Variants in HDAC4 observed in about 807,000 individuals in gnomAD.
HDAC4 encodes histone deacetylase A.
A neutral mutation model predicts 135.1 loss-of-function variants in HDAC4; 16 were observed. The observed-to-expected ratio is 0.12, with a 90% CI of 0.08 to 0.18. The LOEUF is 0.18. Among genes scored for constraint, HDAC4 ranks in the 10% least tolerant of loss-of-function variants. The pLI is 1.00. For synonymous variants in HDAC4, 685 were observed against 653.4 expected (o/e 1.05, Z -0.74); for missense variants, 1,143 against 1,511.8 (o/e 0.76, Z 4.05).
intron 1 of HDAC4, among the ~76,000 whole-genome samples, chr2:239,363,461 T>C (rs954084959): frequency 2.0e-5 from 3 of 152,242 alleles, no homozygotes; most frequent in East Asian, 1.9e-4. Flanking sequence ...CATCTGATTA[T>C]TGTGAGGATT....
chr2:239,149,314 C>T (rs1038716778), intron 7 of HDAC4, among the ~76,000 whole-genome samples: 1 of 151,522 alleles, frequency 6.6e-6, no homozygotes, highest in Non-Finnish European at 1.5e-5. Flanking sequence ...GCAGGAGAAT[C>T]CCCTGAACCC....
intron 16 of HDAC4, 154 bp downstream of exon 16, chr2:239,102,622 G>T: frequency 1.3e-6 from 1 of 799,888 alleles, no homozygotes; most frequent in Non-Finnish European, 2.0e-6. Flanking sequence ...AGTGGCTTGT[G>T]AACAGAGGGT....
At chr2:239,384,374 G>A (rs1189384555) in intron 1 of HDAC4, among the ~76,000 whole-genome samples, 5 of 151,538 alleles carry the variant, frequency 3.3e-5, no homozygotes. Context: ...AGAACTTTAG[G>A]TGGCCTAGGT....
At position 239,115,786 on chromosome 2, in the gene HDAC4, C is replaced by T. The variant is rs372661304; in HGVS notation, c.1534-476G>A. Among the ~76,000 whole-genome samples the T allele has an allele frequency of 3.5e-4, 53 of 152,272 alleles. No homozygotes were observed. The highest frequency in any genetic ancestry group is 1.1e-3 in the African/African-American group (44 of 41,564). On this transcript the variant is annotated intron_variant, in intron 12 of 26. Coordinates refer to ENST00000543185, the MANE Select transcript of HDAC4 (RefSeq NM_001378414.1). The surrounding 1 kb of genome is among the most constrained non-coding windows in gnomAD (Gnocchi z 6.3). ...ACTGCCCAATCCCACCAACACGCCA[C>T]GGCCTCCCCTCCTGCAGGATCCCAC...
At position 239,053,536 on chromosome 2, in the gene HDAC4, T is replaced by C. The variant is rs1229195020; in HGVS notation, c.3154A>G (p.Thr1052Ala). 1.2e-6 allele frequency: 2 copies of C among 1,613,920 alleles called. No individual in the cohort carries two copies. Among genetic ancestry groups the C allele is most frequent in the Admixed American group, 1.7e-5 (1 of 60,024 alleles). ...GTCTCGGCTTCTTCGTTCTCGCAAG[T>C]CTGAGCCTCGATCAGAGAACGCCCC... ...TAGRSLIEAQ[T>A]CENEEAETVT... The change falls in exon 26 of 27, where the codon ACT becomes GCT. Residue 1052 changes from threonine to alanine, a missense_variant. Coordinates refer to ENST00000543185, the MANE Select transcript of HDAC4 (RefSeq NM_001378414.1).
chr2:239,255,368 A>G (rs1405020255), intron 2 of HDAC4, among the ~76,000 whole-genome samples: 1 of 152,006 alleles, frequency 6.6e-6, no homozygotes, highest in Non-Finnish European at 1.5e-5. Flanking sequence ...TTTCCTCTTA[A>G]GAACAACATA....
rs891272679 is a variant in HDAC4, at chr2:239,050,893, G to C, written c.*2204C>G. 3 of 152,616 alleles carry C rather than the reference G, an allele frequency of 2.0e-5. No individual in the cohort carries two copies. The highest frequency in any genetic ancestry group is 2.0e-4 in the Admixed American group (3 of 15,278). The allele number at this position is 152,616 out of a possible 1,614,324, so 9.5% of individuals were successfully genotyped here. On this transcript the variant is annotated 3_prime_UTR_variant, in exon 27 of 27. Coordinates refer to ENST00000543185, the MANE Select transcript of HDAC4 (RefSeq NM_001378414.1). ...TCATACCCTCCCTGCAGGTTCACCA[G>C]GCAACAAGGGTCCCTGGGTTCCTTG...
At chr2:239,367,331 G>A (rs1694285167) in intron 1 of HDAC4, among the ~76,000 whole-genome samples, 1 of 152,022 alleles carries the variant, frequency 6.6e-6, no homozygotes, top group East Asian at 1.9e-4. Flanking sequence ...GTAAAATGAT[G>A]CCTCTCTTCT....
intron 17 of HDAC4, chr2:239,094,211 C>T: frequency 1.0e-6 from 1 of 985,460 alleles, no homozygotes; most frequent in Non-Finnish European, 1.2e-6. Context: ...GGACGCTCCG[C>T]CTCAGCTTCT....
chr2:239,315,011 A>C (rs745334753), intron 2 of HDAC4, among the ~76,000 whole-genome samples: 3 of 152,186 alleles, frequency 2.0e-5, no homozygotes, highest in Non-Finnish European at 1.5e-5. Context: ...ATTCTCTCTG[A>C]AGCCTGCTAC....
intron 7 of HDAC4, chr2:239,155,701 C>A (rs919322640): frequency 6.6e-6 from 1 of 152,268 alleles, no homozygotes; most frequent in African/African-American, 2.4e-5. Context: ...CCAGAACTGG[C>A]CAAAACCTTT....
rs773236809 is a variant in HDAC4, at chr2:239,288,258, C to T, written c.23-51594G>A. On this transcript the variant is annotated intron_variant, in intron 2 of 26. Transcript: ENST00000543185. ...AAAACTATACGATCATCACAACAGA[C>T]GGAGTAAAAGCATTTGGCTAATGGA... is the stretch of plus-strand genomic sequence containing the variant. 2.8e-4 allele frequency among the ~76,000 whole-genome samples: 42 copies of T among 152,206 alleles called. 1 individual carries two copies. The highest frequency in any genetic ancestry group is 3.4e-3 in the Middle Eastern group (1 of 294).
chr2:239,092,102 G>T (rs533025797), intron 17 of HDAC4, among the ~76,000 whole-genome samples: 360 of 152,192 alleles, frequency 2.4e-3, no homozygotes, highest in Non-Finnish European at 4.0e-3. Flanking sequence ...AGCCAGATGT[G>T]GTGGCCTGGG....
chr2:239,300,874 G>A (rs1288620085), intron 2 of HDAC4, among the ~76,000 whole-genome samples: 1 of 152,270 alleles, frequency 6.6e-6, no homozygotes, highest in Non-Finnish European at 1.5e-5. Context: ...TCCGTACATC[G>A]TGTCCACGCA....
chr2:239,189,572 A>T (rs2044771301), intron 4 of HDAC4, among the ~76,000 whole-genome samples: 1 of 152,208 alleles, frequency 6.6e-6, no homozygotes, highest in Non-Finnish European at 1.5e-5. Flanking sequence ...ATTAGGCGAT[A>T]AGCATTTTTC....
At position 239,285,967 on chromosome 2, in the gene HDAC4, C is replaced by T. The variant is rs1385112116; in HGVS notation, c.23-49303G>A. Among the ~76,000 whole-genome samples, 1 of 152,090 alleles carries T rather than the reference C, an allele frequency of 6.6e-6. No homozygotes were observed. Among genetic ancestry groups the T allele is most frequent in the African/African-American group, 2.4e-5 (1 of 41,416 alleles). ...AACAGTAAGACCAGCGAGACATACG[C>T]TCCCAAGCAAACACAAGCCAACACA... On this transcript the variant is annotated intron_variant, in intron 2 of 26. Transcript: ENST00000543185. This position sits in a 1 kb window ranked among gnomAD's most constrained non-coding sequence, Gnocchi z 4.5.
intron 17 of HDAC4, chr2:239,091,828 A>G (rs2036537222): frequency 6.6e-6 from 1 of 150,892 alleles, no homozygotes; most frequent in South Asian, 2.1e-4. Context: ...TGGGAGGCTG[A>G]GGTGGGCGGA....
Position 239,307,477 on chromosome 2 carries a change from A to G in HDAC4, c.22+45201T>C, listed in dbSNP as rs1225827165. ...TACAAAAGGGAACCCCCCTCCCACC[A>G]CTAATCAGGGACCTGCCAGAGATAC... On this transcript the variant is annotated intron_variant, in intron 2 of 26. Transcript: ENST00000543185. This position sits in a 1 kb window ranked among gnomAD's most constrained non-coding sequence, Gnocchi z 4.8. Among the ~76,000 whole-genome samples, 2 of 152,064 alleles carry G rather than the reference A, an allele frequency of 1.3e-5. No homozygotes were observed. Among genetic ancestry groups the G allele is most frequent in the Non-Finnish European group, 2.9e-5 (2 of 68,010 alleles).
At chr2:239,319,121 A>G (rs1027471473) in intron 2 of HDAC4, among the ~76,000 whole-genome samples, 1 of 152,256 alleles carries the variant, frequency 6.6e-6, no homozygotes, top group South Asian at 2.1e-4. Context: ...GAATTTCTAA[A>G]GGATATTACT....
Sources: gnomAD v4.1 joint callset for allele counts (sites outside exome capture counted in the v4.1 genomes callset) on GRCh38, gnomAD v4.1.1 for gene constraint, Gnocchi (gnomAD v3.1) non-coding constraint, MANE v1.5 for transcripts, NCBI Gene and HGNC (gene_info 2026-07-23, HGNC 2026-07-21) for gene names.